The following CCDC149 variants were observed in gnomAD, a reference collection of about 807,000 sequenced individuals.
CCDC149 encodes coiled-coil domain-containing protein 149.
In CCDC149, 45 loss-of-function variants were observed where a neutral mutation model predicts 59.9. That is an observed-to-expected ratio of 0.75 (90% confidence interval 0.59 to 0.96). The LOEUF (loss-of-function observed/expected upper bound fraction) is 0.96. Ranked by LOEUF, CCDC149 falls within the 40% of genes least tolerant of loss-of-function variation. The pLI is 0.00. For missense variants in CCDC149, 584 were observed against 664.7 expected, an observed-to-expected ratio of 0.88 and a Z score of 1.33; for synonymous variants, 245 against 260.6, an observed-to-expected ratio of 0.94 and a Z score of 0.58.
Position 24,808,836 on chromosome 4 carries a change from GACA to G in CCDC149, c.1193-20_1193-18del, listed in dbSNP as rs1560195154. On this transcript the variant is annotated intron_variant, in intron 12 of 12. Transcript: ENST00000635206. The stretch of plus-strand genomic sequence containing the variant: ...GAGCCTCCCCTGAAAACAGAACGAG[GACA>G]ACATTAAACCTCTGGCAGCAAATCA... The G allele has an allele frequency of 4.6e-6, 7 of 1,533,778 alleles. No individual in the cohort carries two copies. Among genetic ancestry groups the G allele is most frequent in the South Asian group, 2.5e-5 (2 of 80,740 alleles).
At chr4:24,855,916 T>G (rs1171131327) in intron 3 of CCDC149, among the ~76,000 whole-genome samples, 2 of 152,252 alleles carry the variant, frequency 1.3e-5, no homozygotes, top group Non-Finnish European at 2.9e-5. Context: ...TGCATTCTGA[T>G]CATGCCACTT....
intron 1 of CCDC149, among the ~76,000 whole-genome samples, chr4:24,938,534 G>A (rs1722848621): frequency 6.6e-6 from 1 of 152,148 alleles, no homozygotes. Context: ...TCTCACTGGG[G>A]AGCGCAGTGG....
intron 1 of CCDC149, among the ~76,000 whole-genome samples, chr4:24,878,288 G>A (rs1347577672): frequency 1.3e-5 from 2 of 150,996 alleles, no homozygotes; most frequent in African/African-American, 4.9e-5. Context: ...AAGGCATTCT[G>A]AGACGGATTT....
chr4:24,924,856 G>A (rs1722393136), intron 1 of CCDC149, among the ~76,000 whole-genome samples: 1 of 152,172 alleles, frequency 6.6e-6, no homozygotes, highest in African/African-American at 2.4e-5. Flanking sequence ...TTTTAAAGAA[G>A]CTTGTGGGAT....
At chr4:24,852,334 T>C (rs772100921) in intron 4 of CCDC149, among the ~76,000 whole-genome samples, 1 of 134,750 alleles carries the variant, frequency 7.4e-6, no homozygotes, top group Non-Finnish European at 1.6e-5. Context: ...ACACACACTA[T>C]AGTCTTCTTG....
intron 7 of CCDC149, among the ~76,000 whole-genome samples, chr4:24,835,829 A>G (rs1357341788): frequency 6.6e-6 from 1 of 152,154 alleles, no homozygotes; most frequent in East Asian, 1.9e-4. Flanking sequence ...AAATCAATCT[A>G]CTTTCCAAGC....
chr4:24,830,262 G>A (rs1290443131), intron 9 of CCDC149: 1 of 152,304 alleles, frequency 6.6e-6, no homozygotes, highest in Non-Finnish European at 1.5e-5. Flanking sequence ...GAAGGACGAA[G>A]CCAGCTCATG....
chr4:24,880,394 A>C (rs1016647592), intron 1 of CCDC149, among the ~76,000 whole-genome samples: 1 of 152,238 alleles, frequency 6.6e-6, no homozygotes, highest in Non-Finnish European at 1.5e-5. Flanking sequence ...CACACTTCTC[A>C]GAAAGCAACC....
intron 1 of CCDC149, among the ~76,000 whole-genome samples, chr4:24,960,538 T>A (rs1182401953): frequency 6.6e-6 from 1 of 152,072 alleles, no homozygotes; most frequent in African/African-American, 2.4e-5. Context: ...TAGACACAAA[T>A]GTAATAAAAG....
chr4:24,977,789 T>C (rs1200394261), intron 1 of CCDC149, among the ~76,000 whole-genome samples: 1 of 152,160 alleles, frequency 6.6e-6, no homozygotes, highest in Non-Finnish European at 1.5e-5. Flanking sequence ...GTGAAAGCAT[T>C]TTGAAATTCA....
chr4:24,960,288 G>C (rs1463644146), intron 1 of CCDC149, among the ~76,000 whole-genome samples: 1 of 151,972 alleles, frequency 6.6e-6, no homozygotes, highest in African/African-American at 2.4e-5. Context: ...TCTAACAATT[G>C]TTAATTGTTA....
intron 1 of CCDC149, among the ~76,000 whole-genome samples, chr4:24,956,937 C>T (rs976224872): frequency 6.6e-6 from 1 of 152,196 alleles, no homozygotes; most frequent in Non-Finnish European, 1.5e-5. Context: ...TAGGCCTAGG[C>T]TACAGTATAA....
At chr4:24,879,131 G>A (rs925779231) in intron 1 of CCDC149, among the ~76,000 whole-genome samples, 2 of 152,194 alleles carry the variant, frequency 1.3e-5, no homozygotes, top group African/African-American at 2.4e-5. Flanking sequence ...AAAGTAGCTC[G>A]AAGCAGAGCT....
intron 1 of CCDC149, among the ~76,000 whole-genome samples, chr4:24,930,674 A>C (rs1451895930): frequency 2.0e-5 from 3 of 152,088 alleles, no homozygotes; most frequent in Non-Finnish European, 2.9e-5. Flanking sequence ...CAATGAGGGG[A>C]AGCAGAAAAG....
intron 1 of CCDC149, among the ~76,000 whole-genome samples, chr4:24,975,404 G>A (rs1233205321): frequency 1.9e-5 from 2 of 107,706 alleles, no homozygotes; most frequent in Admixed American, 2.1e-4. Flanking sequence ...GGAGGGGAGA[G>A]AATGTAAGAG....
chr4:24,916,823 T>TAC (rs1722136019), upstream of CCDC149, among the ~76,000 whole-genome samples: 5 of 150,656 alleles, frequency 3.3e-5, no homozygotes, highest in African/African-American at 9.8e-5. Flanking sequence ...TGTGTGTGTG[T>TAC]GTACATATAT....
intron 4 of CCDC149, among the ~76,000 whole-genome samples, chr4:24,844,212 T>C (rs969515524): frequency 2.0e-5 from 3 of 152,136 alleles, no homozygotes; most frequent in Non-Finnish European, 2.9e-5. Flanking sequence ...CATCATGGCA[T>C]GAACCTTGCT....
chr4:24,824,156 T>G (rs1488023091), intron 9 of CCDC149, among the ~76,000 whole-genome samples: 15 of 152,200 alleles, frequency 9.9e-5, no homozygotes, highest in Admixed American at 9.8e-4. Flanking sequence ...GAAGGTGTGC[T>G]GAAGAGATAT....
chr4:24,817,858 C>T (rs1246801539), intron 12 of CCDC149, among the ~76,000 whole-genome samples: 1 of 152,134 alleles, frequency 6.6e-6, no homozygotes, highest in African/African-American at 2.4e-5. Flanking sequence ...GTCCATTTAG[C>T]TGAGGGCACA....
Sources: gnomAD v4.1 joint callset for allele counts (sites outside exome capture counted in the v4.1 genomes callset) on GRCh38, gnomAD v4.1.1 for gene constraint, MANE v1.5 for transcripts, NCBI Gene and HGNC (gene_info 2026-07-23, HGNC 2026-07-21) for gene names.